Variants in SLC2A11 observed in about 807,000 individuals in gnomAD.
The protein encoded by SLC2A11 is solute carrier family 2 member 11, also known as solute carrier family 2, facilitated glucose transporter member 11.
SLC2A11 carries 43 observed loss-of-function variants against 52.1 expected under a neutral mutation model. That is an observed-to-expected ratio of 0.82 (90% CI 0.65 to 1.06). The LOEUF is 1.06. SLC2A11 is among the 50% of genes least tolerant of loss of function. The pLI is 0.00. For missense variants in SLC2A11, 582 were observed against 654.2 expected, an observed-to-expected ratio of 0.89 and a Z score of 1.20; for synonymous variants, 261 against 277.6, an observed-to-expected ratio of 0.94 and a Z score of 0.59.
chr22:23,863,607 G>GTTTTTTTTTTTTTTTTTTTTTTTTTT (rs1568985269), intron 2 of SLC2A11, among the ~76,000 whole-genome samples: 1 of 113,168 alleles, frequency 8.8e-6, no homozygotes, highest in Non-Finnish European at 1.9e-5. Flanking sequence ...CTCTCTCTCT[G>GTTTTTTTTTTTTTTTTTTTTTTTTTT]GTTTTTTTTT....
Position 23,877,793 on chromosome 22 carries a change from C to T in SLC2A11, c.618C>T (p.Leu206=), listed in dbSNP as rs144615396. The T allele has an allele frequency of 1.1e-4, 179 of 1,610,964 alleles. No homozygotes were observed. Among genetic ancestry groups the T allele is most frequent in the Non-Finnish European group, 1.4e-4 (166 of 1,178,810 alleles). The stretch of plus-strand genomic sequence containing the variant: ...GCCTGGTGCCCGGGGCGCTCCAGCT[C>T]GCCTCCCTGCCTCTGCTCCCTGAAA... The part of the protein sequence containing the change: ...ASCLVPGALQ[L]ASLPLLPESP... Residue 206 remains leucine (L), a synonymous_variant, in exon 6 of 12, where the codon CTC becomes CTT. Transcript: ENST00000316185.
chr22:23,869,643 CTGTCT>C, intron 3 of SLC2A11: 1 of 220,808 alleles, frequency 4.5e-6, no homozygotes, highest in Non-Finnish European at 8.9e-6. Context: ...CAGTGAGCCC[CTGTCT>C]CAAAACAGCT....
chr22:23,877,965 A>G, intron 6 of SLC2A11, 96 bp downstream of exon 6: 12 of 1,383,140 alleles, frequency 8.7e-6, no homozygotes, highest in Non-Finnish European at 1.2e-5. Flanking sequence ...TCATTTATCA[A>G]GGAAAAGCTA....
In SLC2A11 at chr22:23,882,449, C is replaced by G; in HGVS notation, c.695-10C>G. On this transcript the variant is annotated splice_polypyrimidine_tract_variant and intron_variant, in intron 6 of 11. Coordinates refer to ENST00000316185, the MANE Select transcript of SLC2A11 (RefSeq NM_001024939.4). ...GGACGGGGAGCTCAGTACCCTCCTC[C>G]CTGGCTCAGCACTACGGCGGCTCCG... 6.6e-7 allele frequency: 1 copy of G among 1,525,572 alleles called. No individual in the cohort carries two copies. The allele number at this position is 1,525,572 out of a possible 1,614,324, so 94.5% of individuals were successfully genotyped here. A position where few individuals can be genotyped will look rare whatever the true frequency, so the allele number is the denominator to read the frequency against.
chr22:23,857,753 T>C (rs762332133), upstream of SLC2A11: 2 of 1,349,950 alleles, frequency 1.5e-6, no homozygotes, highest in Non-Finnish European at 2.0e-6. Context: ...GTCCCGGCCA[T>C]CGTTTAGCGT....
Position 23,884,944 on chromosome 22 carries a change from T to A in SLC2A11, c.*95T>A. 1 of 1,036,784 alleles carries A rather than the reference T, an allele frequency of 9.6e-7. No individual in the cohort carries two copies. Among genetic ancestry groups the A allele is most frequent in the Non-Finnish European group, 1.4e-6 (1 of 705,646 alleles). The allele number at this position is 1,036,784 out of a possible 1,614,324, so 64.2% of individuals were successfully genotyped here. ...CTCACTCCCTCCTGCATTCCTCATTTAAGGAGTGTTTATTGAGCACCCTTT... is the reference window on the plus strand; with the variant it reads ...CTCACTCCCTCCTGCATTCCTCATTAAAGGAGTGTTTATTGAGCACCCTTT... On this transcript the variant is annotated 3_prime_UTR_variant, in exon 12 of 12. Coordinates refer to ENST00000316185, the MANE Select transcript of SLC2A11 (RefSeq NM_001024939.4). The surrounding 1 kb of genome is among the most constrained non-coding windows in gnomAD (Gnocchi z 4.3).
chr22:23,870,091 A>G (rs994928086), intron 3 of SLC2A11: 1 of 716,336 alleles, frequency 1.4e-6, no homozygotes, highest in East Asian at 2.7e-5. Context: ...CCATAGCACC[A>G]GCACTGGATC....
At chr22:23,877,348 C>G (rs1365840346) in intron 5 of SLC2A11, 177 bp downstream of exon 5, 7 of 1,047,918 alleles carry the variant, frequency 6.7e-6, no homozygotes, top group Middle Eastern at 2.0e-4. Flanking sequence ...TCAGTCAACA[C>G]ACTGCAATGT....
chr22:23,871,881 A>T (rs769071688), intron 3 of SLC2A11: 3 of 152,264 alleles, frequency 2.0e-5, no homozygotes, highest in Non-Finnish European at 4.4e-5. Context: ...GGTTTATACC[A>T]CTTCTATTCA....
rs912661300 is a variant in SLC2A11 at position 23,883,075 on chromosome 22, A to G, written c.993+206A>G. On this transcript the variant is annotated intron_variant, in intron 8 of 11. Coordinates refer to ENST00000316185, the MANE Select transcript of SLC2A11 (RefSeq NM_001024939.4). ...GGAGTTCGAGACCAGCCTGGCCAAC[A>G]CAGTGAAACCCCCGTCTCTACTAAA... The G allele has an allele frequency of 7.7e-6, 5 of 652,510 alleles. No individual in the cohort carries two copies. In the Admixed American group the frequency reaches 1.1e-4, roughly 14 times the overall value. 40.4% of individuals were successfully genotyped at this position (652,510 alleles called of 1,614,324 possible).
rs745820339 is a variant in SLC2A11 at position 23,862,101 on chromosome 22, C to T, written c.31-3C>T. On this transcript the variant is annotated splice_region_variant and splice_polypyrimidine_tract_variant and intron_variant, in intron 1 of 11. Transcript: ENST00000316185. ...CACTCTGTGTTCTCTCCTCTCTCCT[C>T]AGATTCAGGGCAGGATCCTGCTCCT... 2 of 1,614,026 alleles carry T rather than the reference C, an allele frequency of 1.2e-6. No individual in the cohort carries two copies. The highest frequency in any genetic ancestry group is 1.7e-6 in the Non-Finnish European group (2 of 1,179,868).
intron 6 of SLC2A11, chr22:23,880,801 T>C (rs1285108599): frequency 6.6e-6 from 1 of 152,108 alleles, no homozygotes; most frequent in African/African-American, 2.4e-5. Context: ...GAATTCTGCT[T>C]GCAAACTGGC....
At chr22:23,858,671 C>T (rs1568981477) in intron 1 of SLC2A11, among the ~76,000 whole-genome samples, 1 of 152,072 alleles carries the variant, frequency 6.6e-6, no homozygotes, top group Non-Finnish European at 1.5e-5. Context: ...TGCACTCCAG[C>T]GTGGGCGACG....
rs749380110 is a variant in SLC2A11, at chr22:23,882,822, G to A, written c.946G>A (p.Ala316Thr). 2.5e-5 allele frequency: 40 copies of A among 1,613,730 alleles called. 1 individual carries two copies. The South Asian group carries it at 2.7e-4, about 11-fold the overall frequency. Residue 316 changes from alanine to threonine, a missense_variant, in exon 8 of 12, where the codon GCG becomes ACG. By Grantham distance (58) the Ala-to-Thr change is moderately conservative. Transcript: ENST00000316185. ...AGTGCCGGAAGCGAAGATCCAGTAC[G>A]CGATCATCGGGACTGGGAGCTGCGA... ...AGVPEAKIQY[A>T]IIGTGSCELL...
upstream of SLC2A11, chr22:23,857,246 C>T (rs2031866677): frequency 2.8e-6 from 2 of 726,016 alleles, no homozygotes; most frequent in Admixed American, 2.5e-5. Flanking sequence ...AGACAGAGAC[C>T]CGCAGACATT....
intron 2 of SLC2A11, chr22:23,868,039 TCTTGTGGAATGGAGCCCTTTGA>T: frequency 3.3e-6 from 1 of 304,912 alleles, no homozygotes; most frequent in East Asian, 8.0e-5. Flanking sequence ...GAGGGGACAG[TCTTGTGGAATGGAGCCCTTTGA>T]CTTGTGGGAT....
chr22:23,877,280 TG>T, intron 5 of SLC2A11, 109 bp downstream of exon 5: 3 of 1,551,034 alleles, frequency 1.9e-6, no homozygotes, highest in Non-Finnish European at 2.6e-6. Context: ...ATTATTGCTT[TG>T]CATGAAGGCA....
chr22:23,867,681 A>G (rs946746139), intron 2 of SLC2A11: 8 of 470,426 alleles, frequency 1.7e-5, no homozygotes, highest in African/African-American at 1.0e-4. Flanking sequence ...ACGGAGCTCT[A>G]GGAAAGGGAG....
chr22:23,857,073 TGGGG>T (rs60895711), upstream of SLC2A11: 255 of 409,350 alleles, frequency 6.2e-4, 3 homozygotes, highest in South Asian at 2.4e-3. Flanking sequence ...TGTGTGTGTG[TGGGG>T]GGGGGGGGGT....
Sources: allele counts gnomAD v4.1 joint callset (sites outside exome capture counted in the v4.1 genomes callset), GRCh38; gene constraint gnomAD v4.1.1; non-coding constraint Gnocchi (gnomAD v3.1); transcripts MANE v1.5; gene names NCBI Gene and HGNC (gene_info 2026-07-23, HGNC 2026-07-21).